The following SUMF1 variants were observed in gnomAD, a reference collection of about 807,000 sequenced individuals.
SUMF1 encodes formylglycine-generating enzyme.
A neutral mutation model predicts 47.6 loss-of-function variants in SUMF1; 48 were observed. That is an observed-to-expected ratio of 1.01 (90% CI 0.80 to 1.28). The LOEUF is 1.28. Among genes scored for constraint, SUMF1 ranks in the 50% most tolerant of loss-of-function variants. SUMF1 has a pLI of 0.00. For synonymous variants in SUMF1, 230 were observed against 192.1 expected (o/e 1.20, Z -1.63); for missense variants, 571 against 485.4 (o/e 1.18, Z -1.66).
At chr3:4,290,717 C>T (rs534235689) in intron 8 of SUMF1, among the ~76,000 whole-genome samples, 14 of 152,238 alleles carry the variant, frequency 9.2e-5, no homozygotes, top group Admixed American at 4.6e-4. Context: ...TTATTTTCTA[C>T]TTCATATTGT....
chr3:4,125,235 C>T (rs1574905074), intron 8 of SUMF1, among the ~76,000 whole-genome samples: 2 of 152,078 alleles, frequency 1.3e-5, no homozygotes, highest in East Asian at 3.9e-4. Flanking sequence ...AAATAAATGC[C>T]TCAGTTGTAC....
chr3:4,324,505 G>T (rs1034545432), intron 8 of SUMF1, among the ~76,000 whole-genome samples: 1 of 152,162 alleles, frequency 6.6e-6, no homozygotes, highest in African/African-American at 2.4e-5. Context: ...ACAAAAAGAG[G>T]TGGGAGTGAG....
intron 8 of SUMF1, among the ~76,000 whole-genome samples, chr3:4,266,094 T>G (rs1697188601): frequency 6.6e-6 from 1 of 152,218 alleles, no homozygotes; most frequent in Admixed American, 6.5e-5. Flanking sequence ...TCTAGATCTC[T>G]GTTTTGATAC....
At position 4,053,841 on chromosome 3, in the gene SUMF1, A is replaced by G. The variant is rs188629384; in HGVS notation, c.1191+14728T>C. On this transcript the variant is annotated intron_variant and NMD_transcript_variant, in intron 9 of 12. Coordinates refer to the SUMF1 transcript ENST00000448413. The stretch of plus-strand genomic sequence containing the variant: ...GTTGGTGAATATTTTCACCTTTCCA[A>G]GCAAGAGAAATGTGAAATATGGATA... Among the ~76,000 whole-genome samples, 142 of 152,276 alleles carry G rather than the reference A, an allele frequency of 9.3e-4. 1 individual carries two copies. The highest frequency in any genetic ancestry group is 3.2e-3 in the African/African-American group (135 of 41,556).
intron 8 of SUMF1, among the ~76,000 whole-genome samples, chr3:4,173,838 A>G (rs1694890809): frequency 6.6e-6 from 1 of 152,084 alleles, no homozygotes; most frequent in African/African-American, 2.4e-5. Flanking sequence ...ATAAGAACAC[A>G]TGGACACAGG....
intron 8 of SUMF1, among the ~76,000 whole-genome samples, chr3:4,254,205 C>G (rs1351824045): frequency 1.3e-5 from 2 of 151,958 alleles, no homozygotes; most frequent in African/African-American, 4.8e-5. Flanking sequence ...AAGCAGAGCG[C>G]CTCTCCTCCT....
intron 8 of SUMF1, among the ~76,000 whole-genome samples, chr3:4,266,855 G>T (rs1304794461): frequency 6.5e-4 from 96 of 148,498 alleles, no homozygotes; most frequent in African/African-American, 2.1e-3. Context: ...GATATTGGCT[G>T]TGGGTTTGTC....
At chr3:4,392,040 T>C (rs1700884128) in intron 7 of SUMF1, among the ~76,000 whole-genome samples, 1 of 151,918 alleles carries the variant, frequency 6.6e-6, no homozygotes, top group African/African-American at 2.4e-5. Flanking sequence ...GTTACCAGGG[T>C]TGGTCTCAAA....
intron 8 of SUMF1, among the ~76,000 whole-genome samples, chr3:4,320,553 T>C (rs1698807207): frequency 6.6e-6 from 1 of 151,994 alleles, no homozygotes; most frequent in Non-Finnish European, 1.5e-5. Context: ...AATAGGGGCT[T>C]GAAGGGGAGG....
chr3:4,229,184 C>CT (rs1435066690), intron 8 of SUMF1: 1 of 216,528 alleles, frequency 4.6e-6, no homozygotes, highest in Non-Finnish European at 9.4e-6. Flanking sequence ...TGGCCAATCT[C>CT]TCACTGGCTG....
chr3:4,347,302 G>T (rs1559236026), intron 8 of SUMF1, among the ~76,000 whole-genome samples: 1 of 152,136 alleles, frequency 6.6e-6, no homozygotes, highest in Non-Finnish European at 1.5e-5. Flanking sequence ...GTGGCAAACC[G>T]AATCCAGCAG....
chr3:4,346,132 T>A (rs767274623), intron 8 of SUMF1, among the ~76,000 whole-genome samples: 3 of 152,024 alleles, frequency 2.0e-5, no homozygotes, highest in Non-Finnish European at 2.9e-5. Context: ...GACAGAAGAT[T>A]AACAAGGATA....
Position 4,362,392 on chromosome 3 carries a change from T to C in SUMF1, c.1015-138A>G, listed in dbSNP as rs186516855. ...TGTATGGATACTTAACATGTATGCT[T>C]TAAAAAGGGCAGCACATTCAAGAAC... On this transcript the variant is annotated intron_variant, in intron 8 of 8. Transcript: ENST00000272902. The C allele has an allele frequency of 1.3e-3, 990 of 735,056 alleles. 10 individuals are homozygous for C. Among genetic ancestry groups the C allele is most frequent in the South Asian group, 7.5e-3 (503 of 66,926 alleles). 45.5% of individuals were successfully genotyped at this position (735,056 alleles called of 1,614,324 possible).
intron 8 of SUMF1, among the ~76,000 whole-genome samples, chr3:4,294,743 C>T (rs1697812071): frequency 6.6e-6 from 1 of 151,836 alleles, no homozygotes; most frequent in Non-Finnish European, 1.5e-5. Context: ...ATTTTTTTCA[C>T]TCCCGAGAAT....
At chr3:4,216,208 A>G (rs1482574184) in intron 8 of SUMF1, among the ~76,000 whole-genome samples, 1 of 152,204 alleles carries the variant, frequency 6.6e-6, no homozygotes, top group Non-Finnish European at 1.5e-5. Flanking sequence ...GATCAATGGA[A>G]CAGAACAGAG....
intron 7 of SUMF1, among the ~76,000 whole-genome samples, chr3:4,410,128 T>C (rs1343659061): frequency 6.6e-6 from 1 of 152,202 alleles, no homozygotes; most frequent in Non-Finnish European, 1.5e-5. Flanking sequence ...CCCCAATCTG[T>C]TCACACCATA....
chr3:4,075,558 T>C (rs2125040643), intron 8 of SUMF1, among the ~76,000 whole-genome samples: 1 of 152,230 alleles, frequency 6.6e-6, no homozygotes, highest in Middle Eastern at 3.4e-3. Context: ...TTGTCTCTGT[T>C]TGCAGATGAC....
chr3:4,230,656 C>T (rs971658690), intron 8 of SUMF1, among the ~76,000 whole-genome samples: 2 of 152,040 alleles, frequency 1.3e-5, no homozygotes, highest in East Asian at 1.9e-4. Context: ...TAAATCATTG[C>T]CCGCTGGTGA....
chr3:4,454,259 C>G (rs1165965616), intron 1 of SUMF1, among the ~76,000 whole-genome samples: 1 of 152,202 alleles, frequency 6.6e-6, no homozygotes, highest in East Asian at 1.9e-4. Context: ...GCCTTATTCA[C>G]AGCTCTATTC....
Sources: gnomAD v4.1 joint callset for allele counts (sites outside exome capture counted in the v4.1 genomes callset) on GRCh38, gnomAD v4.1.1 for gene constraint, MANE v1.5 for transcripts, NCBI Gene and HGNC (gene_info 2026-07-23, HGNC 2026-07-21) for gene names.